Variants in P2RY14 observed in about 807,000 individuals in gnomAD.
P2RY14 encodes the protein purinergic receptor P2Y14, also known as P2Y purinoceptor 14.
In P2RY14, 2 loss-of-function variants were observed where a neutral mutation model predicts 0.9. The ratio of observed to expected loss-of-function variants is 2.16; its 90% CI spans 0.88 to 6.79. The LOEUF (loss-of-function observed/expected upper bound fraction) is 6.79, where lower values mean the gene tolerates loss of function less well. Among genes scored for constraint, P2RY14 ranks in the 30% most tolerant of loss-of-function variants. The pLI, the probability that P2RY14 is intolerant of heterozygous loss-of-function variation, is 0.05. For synonymous variants in P2RY14, 158 were observed against 147.2 expected (o/e 1.07, Z -0.53); for missense variants, 378 against 400.1 (o/e 0.94, Z 0.47).
At chr3:151,247,047 C>T (rs145184969) in intron 1 of P2RY14, among the ~76,000 whole-genome samples, 3,875 of 152,184 alleles carry the variant, frequency 0.025, 150 homozygotes, top group African/African-American at 0.089. Flanking sequence ...GAAATGCAAA[C>T]CAAAACCACA....
chr3:151,275,360 C>T (rs1274235274), intron 1 of P2RY14, among the ~76,000 whole-genome samples: 1 of 152,052 alleles, frequency 6.6e-6, no homozygotes. Flanking sequence ...CCGTCCCTGG[C>T]TGTTCTTTTA....
Position 151,236,911 on chromosome 3 carries a change from G to GT in P2RY14, c.-132-17270dup, listed in dbSNP as rs570023366. Among the ~76,000 whole-genome samples the GT allele has an allele frequency of 2.6e-4, 40 of 152,204 alleles. No individual in the cohort carries two copies. In the South Asian group the frequency reaches 5.4e-3, roughly 20 times the overall value. On this transcript the variant is annotated intron_variant, in intron 1 of 2. Coordinates refer to ENST00000309170, the MANE Select transcript of P2RY14 (RefSeq NM_014879.4). ...GGGGTATTTCCAGGTTTTTGCCATT[G>GT]TGAGTCATGCCGAGATGCATATCTT...
intron 1 of P2RY14, among the ~76,000 whole-genome samples, chr3:151,261,001 T>C (rs984491001): frequency 6.6e-6 from 1 of 152,140 alleles, no homozygotes; most frequent in Admixed American, 6.5e-5. Context: ...GTTCTGTGTG[T>C]TGCAGGGCAA....
chr3:151,265,655 G>A (rs985349193), intron 1 of P2RY14, among the ~76,000 whole-genome samples: 5 of 152,144 alleles, frequency 3.3e-5, no homozygotes, highest in Non-Finnish European at 7.4e-5. Context: ...ATCTGAGTAG[G>A]TTTTAAAATG....
intron 1 of P2RY14, among the ~76,000 whole-genome samples, chr3:151,261,962 AG>A (rs1318602084): frequency 6.6e-6 from 1 of 152,038 alleles, no homozygotes; most frequent in African/African-American, 2.4e-5. Flanking sequence ...CCTGACCTCA[AG>A]TGATTGACCC....
chr3:151,220,564 TG>T (rs1435320878), intron 1 of P2RY14, among the ~76,000 whole-genome samples: 2 of 152,152 alleles, frequency 1.3e-5, no homozygotes, highest in East Asian at 3.8e-4. Context: ...GATTGAATTA[TG>T]GGGGTGGGTC....
chr3:151,224,347 A>G (rs1292358428), intron 1 of P2RY14, among the ~76,000 whole-genome samples: 4 of 152,164 alleles, frequency 2.6e-5, no homozygotes, highest in East Asian at 1.9e-4. Context: ...TTCTGTATCA[A>G]TAGAAAATAG....
rs149947470 is a variant in P2RY14, at chr3:151,212,145, A to T, written c.*1155T>A. On this transcript the variant is annotated 3_prime_UTR_variant, in exon 3 of 3. Coordinates refer to ENST00000309170, the MANE Select transcript of P2RY14 (RefSeq NM_014879.4). ...TATTAAAACATTTCTTTATTAGTAT[A>T]TAGACAGTAAAGCATGAAATAGATA... The T allele has an allele frequency of 2.6e-5, 4 of 152,342 alleles. No individual in the cohort carries two copies. The highest frequency in any genetic ancestry group is 7.2e-5 in the African/African-American group (3 of 41,572). 9.4% of individuals were successfully genotyped at this position (152,342 alleles called of 1,614,324 possible). A position where few individuals can be genotyped will look rare whatever the true frequency, so the allele number is the denominator to read the frequency against.
intron 1 of P2RY14, among the ~76,000 whole-genome samples, chr3:151,275,210 T>A (rs1464541251): frequency 6.6e-6 from 1 of 152,150 alleles, no homozygotes; most frequent in African/African-American, 2.4e-5. Context: ...AGGATCAGAT[T>A]TTTTTCCCCA....
intron 1 of P2RY14, among the ~76,000 whole-genome samples, chr3:151,257,276 A>G (rs922343467): frequency 3.3e-5 from 5 of 152,182 alleles, no homozygotes; most frequent in African/African-American, 1.2e-4. Context: ...TTGTAGTTTA[A>G]ATATTTTCAG....
At chr3:151,270,551 A>G (rs1399859514) in intron 1 of P2RY14, among the ~76,000 whole-genome samples, 2 of 152,186 alleles carry the variant, frequency 1.3e-5, no homozygotes, top group Non-Finnish European at 2.9e-5. Context: ...TATTATGCTC[A>G]GAACACTGTG....
rs368828456 is a variant in P2RY14 at position 151,263,095 on chromosome 3, C to T, written c.-133+15192G>A. Among the ~76,000 whole-genome samples, 19 of 152,104 alleles carry T rather than the reference C, an allele frequency of 1.2e-4. No homozygotes were observed. In the South Asian group the frequency reaches 1.9e-3, roughly 15 times the overall value. Reference sequence around the variant, plus strand: ...CCCATGTAGGAGTACATGGGGTTGACGAGTGAGGATTAGGACATGTCTGCA... The same window carrying T: ...CCCATGTAGGAGTACATGGGGTTGATGAGTGAGGATTAGGACATGTCTGCA... On this transcript the variant is annotated intron_variant, in intron 1 of 2. Transcript: ENST00000309170.
At chr3:151,237,987 G>A (rs1196137378) in intron 1 of P2RY14, among the ~76,000 whole-genome samples, 2 of 152,004 alleles carry the variant, frequency 1.3e-5, no homozygotes, top group African/African-American at 2.4e-5. Context: ...TCTAGATTGT[G>A]ACTTACTGTT....
chr3:151,249,007 T>C (rs780442718), intron 1 of P2RY14: 6 of 152,218 alleles, frequency 3.9e-5, no homozygotes, highest in Non-Finnish European at 1.5e-5. Context: ...AGCTTTCAAA[T>C]CAAAACATTT....
intron 1 of P2RY14, among the ~76,000 whole-genome samples, chr3:151,259,179 T>C (rs753269054): frequency 6.6e-6 from 1 of 152,224 alleles, no homozygotes; most frequent in Non-Finnish European, 1.5e-5. Flanking sequence ...TTGTGTTTGA[T>C]TAGTTATCCT....
intron 1 of P2RY14, among the ~76,000 whole-genome samples, chr3:151,237,855 A>G (rs551673168): frequency 6.6e-6 from 1 of 152,212 alleles, no homozygotes; most frequent in Non-Finnish European, 1.5e-5. Context: ...TGGTATTTCT[A>G]TGAAATGTCT....
chr3:151,250,669 T>C (rs1455319934), intron 1 of P2RY14, among the ~76,000 whole-genome samples: 1 of 152,226 alleles, frequency 6.6e-6, no homozygotes, highest in Non-Finnish European at 1.5e-5. Context: ...TATTCATCTG[T>C]CCATAGTCCT....
At chr3:151,277,304 A>G (rs371294464) in intron 1 of P2RY14, among the ~76,000 whole-genome samples, 7 of 152,108 alleles carry the variant, frequency 4.6e-5, no homozygotes, top group African/African-American at 1.7e-4. Flanking sequence ...TTGTATATAT[A>G]GTATTCATAA....
intron 1 of P2RY14, among the ~76,000 whole-genome samples, chr3:151,248,226 A>G (rs1243445266): frequency 6.6e-6 from 1 of 152,082 alleles, no homozygotes; most frequent in Admixed American, 6.6e-5. Context: ...CTAAGACACT[A>G]ATAAAAAATA....
Sources: allele counts gnomAD v4.1 joint callset (sites outside exome capture counted in the v4.1 genomes callset), GRCh38; gene constraint gnomAD v4.1.1; transcripts MANE v1.5; gene names NCBI Gene and HGNC (gene_info 2026-07-23, HGNC 2026-07-21).